Variants in LTBP1 observed in about 807,000 individuals in gnomAD.
LTBP1 encodes the protein latent-transforming growth factor beta-binding protein 1.
LTBP1 carries 129 observed loss-of-function variants against 207.6 expected under a neutral mutation model. The ratio of observed to expected loss-of-function variants is 0.62; its 90% CI spans 0.54 to 0.72. LTBP1 has a LOEUF of 0.72. LTBP1 is among the 30% of genes least tolerant of loss of function. LTBP1 has a pLI of 0.00. For missense variants in LTBP1, 2,281 were observed against 2,217.2 expected, an observed-to-expected ratio of 1.03 and a Z score of -0.58; for synonymous variants, 963 against 833.7, an observed-to-expected ratio of 1.16 and a Z score of -2.67.
intron 22 of LTBP1, among the ~76,000 whole-genome samples, chr2:33,306,764 C>G (rs115923779): frequency 0.012 from 1,766 of 152,068 alleles, 44 homozygotes; most frequent in African/African-American, 0.041. Flanking sequence ...ATCTCCATTT[C>G]CTACAAAGCA....
intron 20 of LTBP1, among the ~76,000 whole-genome samples, chr2:33,299,678 G>A (rs1026352025): frequency 6.6e-6 from 1 of 152,120 alleles, no homozygotes; most frequent in African/African-American, 2.4e-5. Context: ...GCTTAGGTCG[G>A]ACCAATATAA....
chr2:32,956,984 G>A (rs554429079), intron 2 of LTBP1, among the ~76,000 whole-genome samples: 2 of 152,298 alleles, frequency 1.3e-5, no homozygotes, highest in South Asian at 4.2e-4. Flanking sequence ...TGAGCAATAG[G>A]TCTCAACAGT....
rs879714056 is a variant in LTBP1, at chr2:33,078,857, C to CTTTTTTTTTTTTTTTTTTTTTTT, written c.864-31721_864-31720insTTTTTTTTTTTTTTTTTTTTTTT. Among the ~76,000 whole-genome samples, 8 of 92,158 alleles carry CTTTTTTTTTTTTTTTTTTTTTTT rather than the reference C, an allele frequency of 8.7e-5. 1 individual carries two copies. The highest frequency in any genetic ancestry group is 9.3e-4 in the South Asian group (2 of 2,144). 60.5% of individuals were successfully genotyped at this position (92,158 alleles called of 152,430 possible). On this transcript the variant is annotated intron_variant, in intron 3 of 33. Transcript: ENST00000404816. ...CTTCTCTTCTGTTTTCTTTTCTTTTCTTTTCTTTTTTTTTTTTTTTGAGAC... is the reference window on the plus strand; with the variant it reads ...CTTCTCTTCTGTTTTCTTTTCTTTTCTTTTTTTTTTTTTTTTTTTTTTTTTTTCTTTTTTTTTTTTTTTGAGAC...
chr2:33,386,311 C>T (rs1250941674), intron 31 of LTBP1, among the ~76,000 whole-genome samples: 4 of 152,200 alleles, frequency 2.6e-5, no homozygotes, highest in Non-Finnish European at 4.4e-5. Context: ...GTCCTTTCCT[C>T]TGGCGTTGCT....
At chr2:33,234,582 C>G (rs528508660) in intron 9 of LTBP1, among the ~76,000 whole-genome samples, 2 of 152,092 alleles carry the variant, frequency 1.3e-5, no homozygotes, top group African/African-American at 4.8e-5. Flanking sequence ...AGGACACAAA[C>G]AAATGGAAAA....
At chr2:33,174,602 A>G (rs1490425468) in intron 5 of LTBP1, among the ~76,000 whole-genome samples, 1 of 152,170 alleles carries the variant, frequency 6.6e-6, no homozygotes, top group Non-Finnish European at 1.5e-5. Flanking sequence ...TATAGATTCA[A>G]TGCCATCCCC....
chr2:32,971,002 TTGTGTGTGTGTG>T (rs56246215), intron 2 of LTBP1, among the ~76,000 whole-genome samples: 48 of 142,526 alleles, frequency 3.4e-4, no homozygotes, highest in African/African-American at 1.0e-3. Flanking sequence ...TCCTAGGTAT[TTGTGTGTGTGTG>T]TGTGTGTGTG....
intron 3 of LTBP1, among the ~76,000 whole-genome samples, chr2:33,080,777 C>T (rs1341162165): frequency 2.0e-5 from 3 of 152,288 alleles, no homozygotes; most frequent in African/African-American, 7.2e-5. Context: ...CTTGCACATA[C>T]ATACACTTTC....
At chr2:33,139,079 C>CT (rs2082418646) in intron 5 of LTBP1, among the ~76,000 whole-genome samples, 1 of 151,468 alleles carries the variant, frequency 6.6e-6, no homozygotes, top group Non-Finnish European at 1.5e-5. Flanking sequence ...AGGATGGTCT[C>CT]CATCTCCTGA....
At chr2:33,256,694 G>T (rs2092861514) in intron 11 of LTBP1, among the ~76,000 whole-genome samples, 1 of 102,700 alleles carries the variant, frequency 9.7e-6, no homozygotes, top group African/African-American at 3.7e-5. Flanking sequence ...TTTCTAATTG[G>T]TTGCTGATAT....
At chr2:33,173,957 G>C (rs9678843) in intron 5 of LTBP1, among the ~76,000 whole-genome samples, 31,674 of 105,864 alleles carry the variant, frequency 0.3, 5,387 homozygotes, top group Non-Finnish European at 0.38. Flanking sequence ...ATTCAACAAC[G>C]CTTCATGCTA....
intron 5 of LTBP1, among the ~76,000 whole-genome samples, chr2:33,152,648 G>C (rs2083634763): frequency 6.6e-6 from 1 of 152,222 alleles, no homozygotes; most frequent in African/African-American, 2.4e-5. Context: ...ATACTAGTGG[G>C]TGTGAAGTGG....
At position 33,239,244 on chromosome 2, in the gene LTBP1, G is replaced by T. The variant is rs527457198; in HGVS notation, c.1877-4418G>T. Among the ~76,000 whole-genome samples, 19 of 152,322 alleles carry T rather than the reference G, an allele frequency of 1.2e-4. No individual in the cohort carries two copies. The South Asian group carries it at 3.3e-3, about 27-fold the overall frequency. ...AGCTTCATGGATTTTGCCTACTCCA[G>T]AGGAGCACATGGGTCCGTATGAATT... is the stretch of plus-strand genomic sequence containing the variant. On this transcript the variant is annotated intron_variant, in intron 9 of 33. Coordinates refer to ENST00000404816, the MANE Select transcript of LTBP1 (RefSeq NM_206943.4).
chr2:33,262,102 G>C (rs2093028668), intron 13 of LTBP1, among the ~76,000 whole-genome samples: 1 of 152,158 alleles, frequency 6.6e-6, no homozygotes, highest in Non-Finnish European at 1.5e-5. Context: ...ACAAGCGTGG[G>C]CACCAAAATG....
chr2:32,982,671 C>T (rs67854536), intron 2 of LTBP1, among the ~76,000 whole-genome samples: 16,364 of 152,228 alleles, frequency 0.11, 988 homozygotes, highest in African/African-American at 0.12. Flanking sequence ...AGCTCCAGTG[C>T]TCCAGCTGTG....
At chr2:33,048,945 T>C (rs1026702267) in intron 3 of LTBP1, among the ~76,000 whole-genome samples, 2 of 152,240 alleles carry the variant, frequency 1.3e-5, no homozygotes, top group Non-Finnish European at 1.5e-5. Context: ...GCCTTCTGCA[T>C]GATATTTAGC....
intron 3 of LTBP1, among the ~76,000 whole-genome samples, chr2:33,027,693 G>A (rs748777139): frequency 2.0e-5 from 3 of 151,958 alleles, no homozygotes; most frequent in African/African-American, 4.8e-5. Flanking sequence ...AAAAATTAGC[G>A]GGGCGTGGTG....
At chr2:33,200,255 G>A (rs193104301) in intron 7 of LTBP1, among the ~76,000 whole-genome samples, 2,859 of 152,168 alleles carry the variant, frequency 0.019, 26 homozygotes, top group East Asian at 0.027. Context: ...CCAAAACAGC[G>A]TGGTACTGGT....
chr2:33,197,516 T>C (rs2088695148), intron 7 of LTBP1, among the ~76,000 whole-genome samples: 1 of 152,220 alleles, frequency 6.6e-6, no homozygotes, highest in African/African-American at 2.4e-5. Flanking sequence ...AATTTATTTT[T>C]GCATCATAGG....
Sources: gnomAD v4.1 joint callset for allele counts (sites outside exome capture counted in the v4.1 genomes callset) on GRCh38, gnomAD v4.1.1 for gene constraint, MANE v1.5 for transcripts, NCBI Gene and HGNC (gene_info 2026-07-23, HGNC 2026-07-21) for gene names.